ERLIN1: variants seen among roughly 807,000 people sequenced by gnomAD.
The protein encoded by ERLIN1 is erlin-1.
In ERLIN1, 24 loss-of-function variants were observed where a neutral mutation model predicts 46.9. That is an observed-to-expected ratio of 0.51 (90% confidence interval 0.37 to 0.72). ERLIN1 has a LOEUF of 0.72. Among genes scored for constraint, ERLIN1 ranks in the 30% least tolerant of loss-of-function variants. ERLIN1 has a pLI of 0.00. For missense variants in ERLIN1, 293 were observed against 417.9 expected, an observed-to-expected ratio of 0.70 and a Z score of 2.61; for synonymous variants, 158 against 143.2, an observed-to-expected ratio of 1.10 and a Z score of -0.74.
chr10:100,183,196 T>G (rs75251334), intron 2 of ERLIN1, among the ~76,000 whole-genome samples: 1 of 152,140 alleles, frequency 6.6e-6, no homozygotes, highest in South Asian at 2.1e-4. Context: ...GATACTTATT[T>G]TATTGTCTCC....
At chr10:100,176,672 C>CT (rs1294294076) in intron 4 of ERLIN1, among the ~76,000 whole-genome samples, 7 of 152,202 alleles carry the variant, frequency 4.6e-5, no homozygotes, top group South Asian at 4.1e-4. Flanking sequence ...TATTAGGAAA[C>CT]TAAGAAACAG....
chr10:100,157,345 G>T (rs770290027), intron 8 of ERLIN1, among the ~76,000 whole-genome samples: 17 of 152,182 alleles, frequency 1.1e-4, no homozygotes, highest in Non-Finnish European at 1.9e-4. Context: ...TGTTGGTGTG[G>T]CAAGCAAGTA....
chr10:100,165,663 A>G (rs1843596793), intron 7 of ERLIN1, among the ~76,000 whole-genome samples: 2 of 152,290 alleles, frequency 1.3e-5, no homozygotes, highest in Non-Finnish European at 2.9e-5. Flanking sequence ...CTGGGATTAC[A>G]GGCATGAGCC....
intron 2 of ERLIN1, among the ~76,000 whole-genome samples, chr10:100,179,831 C>T (rs1844536126): frequency 6.6e-6 from 1 of 152,094 alleles, no homozygotes; most frequent in Non-Finnish European, 1.5e-5. Context: ...AAAACTCTTC[C>T]AGAGTCCCTT....
chr10:100,176,701 A>C (rs867384460), intron 4 of ERLIN1, among the ~76,000 whole-genome samples: 1 of 152,200 alleles, frequency 6.6e-6, no homozygotes, highest in Non-Finnish European at 1.5e-5. Flanking sequence ...AGAAATGCCC[A>C]AAAGGTACAT....
intron 3 of ERLIN1, among the ~76,000 whole-genome samples, chr10:100,178,701 C>A (rs575032256): frequency 7.9e-5 from 12 of 152,298 alleles, no homozygotes; most frequent in Admixed American, 2.0e-4. Context: ...TTATTAAGCA[C>A]CTATTCTGGG....
chr10:100,180,561 A>G (rs79743475), intron 2 of ERLIN1, among the ~76,000 whole-genome samples: 2,037 of 152,344 alleles, frequency 0.013, 48 homozygotes, highest in African/African-American at 0.047. Flanking sequence ...CTTAAGCTCA[A>G]TAAATATCCT....
chr10:100,167,680 G>C (rs1162576675), intron 6 of ERLIN1, among the ~76,000 whole-genome samples: 4 of 152,140 alleles, frequency 2.6e-5, no homozygotes, highest in Non-Finnish European at 4.4e-5. Flanking sequence ...TATGAAAAAG[G>C]TTCTCACTTA....
At chr10:100,181,513 C>A (rs1031079449) in intron 2 of ERLIN1, among the ~76,000 whole-genome samples, 66 of 126,976 alleles carry the variant, frequency 5.2e-4, no homozygotes, top group African/African-American at 2.0e-3. Context: ...TAAGAACACT[C>A]TTTTTTTTTT....
At chr10:100,182,127 C>G (rs973507661) in intron 2 of ERLIN1, among the ~76,000 whole-genome samples, 15 of 151,288 alleles carry the variant, frequency 9.9e-5, no homozygotes, top group Non-Finnish European at 1.8e-4. Context: ...ACTTAACATA[C>G]TAAGCATGAA....
intron 6 of ERLIN1, among the ~76,000 whole-genome samples, chr10:100,173,548 G>A (rs1005066868): frequency 3.9e-5 from 6 of 151,900 alleles, no homozygotes; most frequent in African/African-American, 1.5e-4. Flanking sequence ...AAAACACAGT[G>A]ACCCAAAAAA....
intron 6 of ERLIN1, among the ~76,000 whole-genome samples, chr10:100,168,283 C>T (rs1011110401): frequency 6.6e-6 from 1 of 152,224 alleles, no homozygotes; most frequent in East Asian, 1.9e-4. Flanking sequence ...CCTTTAAGCA[C>T]TTAGTCTTCT....
At position 100,152,300 on chromosome 10, in the gene ERLIN1, G is replaced by A; in HGVS notation, c.878C>T (p.Ser293Phe). The change falls in exon 11 of 11, where the codon TCT becomes TTT. Residue 293 changes from serine (S) to phenylalanine (F), a missense_variant. By Grantham distance (155) the Ser-to-Phe change is radical (BLOSUM62 -2). Coordinates refer to ENST00000421367, the MANE Select transcript of ERLIN1 (RefSeq NM_006459.4). ...LELKKYQAIA[S>F]NSKIYFGSNI... is the part of the protein sequence containing the mutation. ...GCTGCCAAAATAGATCTTACTGTTAGAAGCAATGGCCTGGTACTTTTTGAG... is the reference window on the plus strand; with the variant it reads ...GCTGCCAAAATAGATCTTACTGTTAAAAGCAATGGCCTGGTACTTTTTGAG... 6.2e-7 allele frequency: 1 copy of A among 1,613,798 alleles called. No individual in the cohort carries two copies. Among genetic ancestry groups the A allele is most frequent in the Non-Finnish European group, 8.5e-7 (1 of 1,179,666 alleles).
intron 8 of ERLIN1, 73 bp from the exon 9 acceptor site, chr10:100,156,307 C>A: frequency 1.1e-6 from 1 of 880,220 alleles, no homozygotes. Flanking sequence ...GAACCAGCAG[C>A]ACACAGTCTA....
intron 8 of ERLIN1, among the ~76,000 whole-genome samples, chr10:100,160,471 A>C (rs910882967): frequency 6.6e-6 from 1 of 152,208 alleles, no homozygotes; most frequent in African/African-American, 2.4e-5. Flanking sequence ...GAAAATTATA[A>C]GCTGATCTCA....
At chr10:100,183,080 GC>G (rs1190621911) in intron 2 of ERLIN1, among the ~76,000 whole-genome samples, 1 of 152,184 alleles carries the variant, frequency 6.6e-6, no homozygotes, top group African/African-American at 2.4e-5. Flanking sequence ...TGAAAAATTA[GC>G]AGCAGATGGC....
At chr10:100,171,143 T>C (rs1016383827) in intron 6 of ERLIN1, among the ~76,000 whole-genome samples, 1 of 152,110 alleles carries the variant, frequency 6.6e-6, no homozygotes, top group East Asian at 1.9e-4. Context: ...ACTTTTAAGG[T>C]GGTGAAAAGC....
At chr10:100,182,706 C>T (rs1219878487) in intron 2 of ERLIN1, among the ~76,000 whole-genome samples, 1 of 151,914 alleles carries the variant, frequency 6.6e-6, no homozygotes, top group African/African-American at 2.4e-5. Context: ...GACAAAGGGC[C>T]AAAATTTACA....
intron 6 of ERLIN1, among the ~76,000 whole-genome samples, chr10:100,171,399 A>T (rs1843986745): frequency 6.6e-6 from 1 of 151,580 alleles, no homozygotes; most frequent in African/African-American, 2.4e-5. Flanking sequence ...AGTTCTCTAT[A>T]TACAAATGCT....
Sources: allele counts gnomAD v4.1 joint callset (sites outside exome capture counted in the v4.1 genomes callset), GRCh38; gene constraint gnomAD v4.1.1; transcripts MANE v1.5; gene names NCBI Gene and HGNC (gene_info 2026-07-23, HGNC 2026-07-21).